PDE4D: variants seen among roughly 807,000 people sequenced by gnomAD.
PDE4D encodes the protein phosphodiesterase 4D.
Under a neutral mutation model 87.4 loss-of-function variants are expected in PDE4D, and 24 were observed. The observed-to-expected ratio is 0.27, with a 90% CI of 0.20 to 0.39. The LOEUF is 0.39. Among genes scored for constraint, PDE4D ranks in the 10% least tolerant of loss-of-function variants. The pLI is 1.00. For missense variants in PDE4D, 714 were observed against 1,041.0 expected (o/e 0.69, Z 4.32); for synonymous variants, 384 against 383.2 (o/e 1.00, Z -0.02).
intron 6 of PDE4D, among the ~76,000 whole-genome samples, chr5:59,016,885 A>G (rs180825558): frequency 2.0e-5 from 3 of 152,292 alleles, no homozygotes; most frequent in African/African-American, 7.2e-5. Context: ...TTATGGGGCA[A>G]AAAGACAATA....
At chr5:60,250,993 A>G (rs1748376951) in intron 1 of PDE4D, among the ~76,000 whole-genome samples, 1 of 151,920 alleles carries the variant, frequency 6.6e-6, no homozygotes, top group South Asian at 2.1e-4. Context: ...TAATATGTGT[A>G]TTTGTATCTT....
At chr5:60,407,081 T>C (rs895252709) in intron 1 of PDE4D, among the ~76,000 whole-genome samples, 1 of 152,072 alleles carries the variant, frequency 6.6e-6, no homozygotes, top group South Asian at 2.1e-4. Context: ...CCAAGCAAGA[T>C]GAGCTGGAGG....
chr5:59,661,969 G>C (rs923427396), intron 1 of PDE4D, among the ~76,000 whole-genome samples: 2 of 152,244 alleles, frequency 1.3e-5, no homozygotes, highest in East Asian at 3.9e-4. Flanking sequence ...GTTCTGGGAG[G>C]GGGGATATAT....
intron 1 of PDE4D, among the ~76,000 whole-genome samples, chr5:59,659,716 A>G (rs1008716774): frequency 2.6e-5 from 4 of 152,194 alleles, no homozygotes; most frequent in African/African-American, 9.7e-5. Context: ...TAACTCATCT[A>G]TCATAATGTT....
chr5:60,047,896 C>G (rs1769505635), intron 2 of PDE4D, among the ~76,000 whole-genome samples: 2 of 152,080 alleles, frequency 1.3e-5, no homozygotes, highest in South Asian at 4.2e-4. Flanking sequence ...TGGTGCAGAG[C>G]TGAGTTCAAT....
intron 1 of PDE4D, among the ~76,000 whole-genome samples, chr5:60,424,222 A>C (rs1743425578): frequency 6.6e-6 from 1 of 152,214 alleles, no homozygotes; most frequent in African/African-American, 2.4e-5. Context: ...TGGCAGAGAC[A>C]CAACAAAAAA....
At chr5:59,144,149 T>C (rs1040844243) in intron 5 of PDE4D, among the ~76,000 whole-genome samples, 1 of 152,206 alleles carries the variant, frequency 6.6e-6, no homozygotes, top group African/African-American at 2.4e-5. Context: ...TTTTCTATTG[T>C]TAAAGAGAAA....
chr5:59,710,745 C>T (rs1368718667), intron 1 of PDE4D, among the ~76,000 whole-genome samples: 1 of 152,040 alleles, frequency 6.6e-6, no homozygotes, highest in Non-Finnish European at 1.5e-5. Context: ...CAAAATTTCT[C>T]ATCAATATTT....
intron 3 of PDE4D, among the ~76,000 whole-genome samples, chr5:59,191,520 G>T (rs960138355): frequency 6.6e-6 from 1 of 151,948 alleles, no homozygotes; most frequent in Non-Finnish European, 1.5e-5. Flanking sequence ...GCCATATTTT[G>T]TCTGTTCACC....
At chr5:59,617,706 T>C (rs1262334922) in intron 1 of PDE4D, among the ~76,000 whole-genome samples, 1 of 152,180 alleles carries the variant, frequency 6.6e-6, no homozygotes, top group African/African-American at 2.4e-5. Context: ...AACAGTTCCT[T>C]CCCTAGCTCC....
At chr5:59,098,903 C>T (rs193152278) in intron 5 of PDE4D, among the ~76,000 whole-genome samples, 1 of 152,210 alleles carries the variant, frequency 6.6e-6, no homozygotes, top group East Asian at 1.9e-4. Flanking sequence ...CAGCCAGCAC[C>T]AGCACCAAAT....
Position 59,437,706 on chromosome 5 carries a change from A to T in PDE4D, c.456-221738T>A, listed in dbSNP as rs77986180. ...GTAGATGGCATAACTCCTATCTAGG[A>T]AAAAAAAAAAGCATACAATTCATTT... On this transcript the variant is annotated intron_variant, in intron 1 of 14. Coordinates refer to ENST00000340635, the MANE Select transcript of PDE4D (RefSeq NM_001104631.2). Among the ~76,000 whole-genome samples, 28 of 146,374 alleles carry T rather than the reference A, an allele frequency of 1.9e-4. No homozygotes were observed. In the East Asian group the frequency reaches 5.5e-3, roughly 29 times the overall value.
intron 6 of PDE4D, among the ~76,000 whole-genome samples, chr5:59,018,733 C>A (rs1215239971): frequency 6.6e-6 from 1 of 152,014 alleles, no homozygotes; most frequent in African/African-American, 2.4e-5. Flanking sequence ...AGTGTTGTTC[C>A]CTAAAACCCA....
intron 1 of PDE4D, among the ~76,000 whole-genome samples, chr5:59,343,008 G>A (rs921515151): frequency 9.6e-5 from 14 of 146,080 alleles, no homozygotes; most frequent in African/African-American, 3.6e-4. Context: ...AAAGTTCAGG[G>A]ATATATGTGC....
chr5:60,074,663 C>T (rs1307053183), intron 2 of PDE4D, among the ~76,000 whole-genome samples: 1 of 152,184 alleles, frequency 6.6e-6, no homozygotes, highest in Non-Finnish European at 1.5e-5. Context: ...TCTCTAAAAA[C>T]TTGCTTTATA....
intron 1 of PDE4D, among the ~76,000 whole-genome samples, chr5:59,447,932 G>T (rs1017884731): frequency 6.6e-6 from 1 of 152,280 alleles, no homozygotes; most frequent in East Asian, 1.9e-4. Context: ...TTTAGGGTTG[G>T]TTCCAGAACA....
At chr5:59,343,146 C>A (rs564319277) in intron 1 of PDE4D, among the ~76,000 whole-genome samples, 3 of 152,040 alleles carry the variant, frequency 2.0e-5, no homozygotes, top group South Asian at 4.2e-4. Context: ...GTTGTTCCCC[C>A]CTATGTATCC....
intron 2 of PDE4D, among the ~76,000 whole-genome samples, chr5:60,091,644 A>T (rs1042065235): frequency 1.3e-5 from 2 of 152,168 alleles, no homozygotes; most frequent in African/African-American, 2.4e-5. Context: ...AATACATTTT[A>T]AAAAATTAAA....
At chr5:59,119,496 T>A (rs1774132310) in intron 5 of PDE4D, among the ~76,000 whole-genome samples, 2 of 152,224 alleles carry the variant, frequency 1.3e-5, no homozygotes, top group Admixed American at 6.5e-5. Flanking sequence ...GAAAGCTGAT[T>A]TATTATTGTT....
Sources: allele counts gnomAD v4.1 joint callset (sites outside exome capture counted in the v4.1 genomes callset), GRCh38; gene constraint gnomAD v4.1.1; transcripts MANE v1.5; gene names NCBI Gene and HGNC (gene_info 2026-07-23, HGNC 2026-07-21).